The following PAPOLG variants were observed in gnomAD, a reference collection of about 807,000 sequenced individuals.
PAPOLG encodes PAP-gamma.
A neutral mutation model predicts 99.0 loss-of-function variants in PAPOLG; 40 were observed. The ratio of observed to expected loss-of-function variants is 0.40; its 90% CI spans 0.31 to 0.53. The LOEUF (loss-of-function observed/expected upper bound fraction) is 0.53. Among genes scored for constraint, PAPOLG ranks in the 20% least tolerant of loss-of-function variants. The pLI is 0.41. For missense variants in PAPOLG, 675 were observed against 884.1 expected (o/e 0.76, Z 3.00); for synonymous variants, 310 against 299.3 (o/e 1.04, Z -0.37).
intron 8 of PAPOLG, among the ~76,000 whole-genome samples, chr2:60,779,190 T>A (rs1671119808): frequency 6.6e-6 from 1 of 152,224 alleles, no homozygotes; most frequent in Admixed American, 6.5e-5. Flanking sequence ...AGTCTCCAGC[T>A]TTATACTTGA....
At chr2:60,763,081 A>ATT (rs1221738427) in intron 3 of PAPOLG, among the ~76,000 whole-genome samples, 1 of 135,854 alleles carries the variant, frequency 7.4e-6, no homozygotes, top group Non-Finnish European at 1.6e-5. Context: ...ATTTTATTTT[A>ATT]TTTTTTTTTT....
intron 19 of PAPOLG, 169 bp from the exon 20 acceptor site, chr2:60,794,541 T>C (rs1489520579): frequency 3.8e-5 from 24 of 636,602 alleles, no homozygotes; most frequent in Non-Finnish European, 2.7e-6. Flanking sequence ...CTGTAGAAAT[T>C]AACGGTGGCA....
chr2:60,795,870 A>T (rs1400259875), intron 21 of PAPOLG, among the ~76,000 whole-genome samples: 1 of 152,124 alleles, frequency 6.6e-6, no homozygotes, highest in Admixed American at 6.6e-5. Context: ...ACGTATAATT[A>T]TGTGTCATGG....
In PAPOLG at chr2:60,771,650, T is replaced by A. The variant is rs773212626; in HGVS notation, c.604+20T>A. On this transcript the variant is annotated intron_variant, in intron 7 of 21. Transcript: ENST00000238714. The stretch of plus-strand genomic sequence containing the variant: ...TAAATGGTAAGCTTCTAAAAAGAAA[T>A]CTCAGATACCTGCTTCAGAACAATT... 1 of 1,588,834 alleles carries A rather than the reference T, an allele frequency of 6.3e-7. No homozygotes were observed. The highest frequency in any genetic ancestry group is 8.5e-7 in the Non-Finnish European group (1 of 1,173,926).
intron 15 of PAPOLG, among the ~76,000 whole-genome samples, chr2:60,787,877 C>G (rs913935884): frequency 6.6e-6 from 1 of 152,020 alleles, no homozygotes; most frequent in Non-Finnish European, 1.5e-5. Flanking sequence ...TACGGTGAAA[C>G]CCCGTCTCTA....
At chr2:60,761,939 T>A (rs940290276) in intron 3 of PAPOLG, 132 bp downstream of exon 3, 8 of 720,166 alleles carry the variant, frequency 1.1e-5, no homozygotes, top group Non-Finnish European at 1.9e-5. Flanking sequence ...TAGGAATGAA[T>A]TGGTCTAGAC....
chr2:60,763,305 C>T (rs894935302), intron 3 of PAPOLG, among the ~76,000 whole-genome samples: 2 of 150,526 alleles, frequency 1.3e-5, no homozygotes, highest in African/African-American at 2.4e-5. Flanking sequence ...TGGTCTCAAA[C>T]TCCTGGTCTC....
intron 5 of PAPOLG, 150 bp downstream of exon 5, chr2:60,769,040 A>G: frequency 1.1e-5 from 7 of 648,724 alleles, no homozygotes; most frequent in Non-Finnish European, 1.8e-5. Context: ...TTAAATCATG[A>G]TTAAGAACAT....
At chr2:60,762,781 C>T (rs1670558199) in intron 3 of PAPOLG, among the ~76,000 whole-genome samples, 1 of 151,938 alleles carries the variant, frequency 6.6e-6, no homozygotes, top group Admixed American at 6.6e-5. Flanking sequence ...CGTGTACCAC[C>T]ACACCGGGCT....
intron 14 of PAPOLG, 120 bp from the exon 15 acceptor site, chr2:60,787,391 C>T: frequency 7.9e-7 from 1 of 1,271,376 alleles, no homozygotes; most frequent in Non-Finnish European, 1.1e-6. Flanking sequence ...CTGGCCAGAC[C>T]ACTGAAATCT....
chr2:60,776,471 A>C (rs1359310087), intron 8 of PAPOLG, among the ~76,000 whole-genome samples: 15 of 122,928 alleles, frequency 1.2e-4, no homozygotes, highest in African/African-American at 4.9e-4. Flanking sequence ...TGTCTCGCCC[A>C]GGCTGGAGTG....
intron 13 of PAPOLG, among the ~76,000 whole-genome samples, chr2:60,784,483 C>G (rs554124329): frequency 2.6e-4 from 40 of 152,284 alleles, no homozygotes; most frequent in African/African-American, 9.2e-4. Context: ...ACATCCTTGG[C>G]TCTATCAGAC....
chr2:60,783,326 T>A, intron 13 of PAPOLG, 117 bp downstream of exon 13: 1 of 315,942 alleles, frequency 3.2e-6, no homozygotes. Flanking sequence ...TTATATCTCT[T>A]TTTTTTTTTT....
chr2:60,762,146 G>A (rs1670537599), intron 3 of PAPOLG, among the ~76,000 whole-genome samples: 1 of 152,136 alleles, frequency 6.6e-6, no homozygotes, highest in African/African-American at 2.4e-5. Flanking sequence ...ACAGCAGGAA[G>A]AGGCTTGAAG....
chr2:60,765,831 G>T (rs1487872961), intron 3 of PAPOLG, among the ~76,000 whole-genome samples: 1 of 152,106 alleles, frequency 6.6e-6, no homozygotes, highest in Non-Finnish European at 1.5e-5. Context: ...TAAATTTACA[G>T]ATTCCTGGGC....
intron 7 of PAPOLG, among the ~76,000 whole-genome samples, chr2:60,773,389 TAA>T (rs1670915085): frequency 6.6e-6 from 1 of 152,232 alleles, no homozygotes; most frequent in Non-Finnish European, 1.5e-5. Flanking sequence ...ACGTTTCATA[TAA>T]AAATAATCCT....
chr2:60,772,915 T>TTTTTC (rs565256680), intron 7 of PAPOLG, among the ~76,000 whole-genome samples: 7 of 152,154 alleles, frequency 4.6e-5, no homozygotes, highest in Admixed American at 1.3e-4. Context: ...CTCACTGGTC[T>TTTTTC]TTTTCTTTTC....
chr2:60,780,977 A>G (rs17538323), intron 10 of PAPOLG, among the ~76,000 whole-genome samples, 198 bp downstream of exon 10: 3,718 of 152,262 alleles, frequency 0.024, 65 homozygotes, highest in Non-Finnish European at 0.037. Flanking sequence ...TCCAAATGTT[A>G]TGTCATTAAA....
rs779423770 is a variant in PAPOLG, at chr2:60,791,735, C to G, written c.1397-26C>G. The G allele has an allele frequency of 3.2e-6, 5 of 1,568,944 alleles. No individual in the cohort carries two copies. The South Asian group carries it at 6.0e-5, about 19-fold the overall frequency. ...ACCCTTGGTTCAGAAAGAAGTTTCC[C>G]ATTTAACATATTAACATTGTTACAG... On this transcript the variant is annotated intron_variant, in intron 15 of 21. Coordinates refer to ENST00000238714, the MANE Select transcript of PAPOLG (RefSeq NM_022894.4).
Sources: allele counts gnomAD v4.1 joint callset (sites outside exome capture counted in the v4.1 genomes callset), GRCh38; gene constraint gnomAD v4.1.1; transcripts MANE v1.5; gene names NCBI Gene and HGNC (gene_info 2026-07-23, HGNC 2026-07-21).